MYO3A: variants seen among roughly 807,000 people sequenced by gnomAD.
The protein encoded by MYO3A is myosin IIIA.
Under a neutral mutation model 192.7 loss-of-function variants are expected in MYO3A, and 180 were observed. That is an observed-to-expected ratio of 0.93 (90% confidence interval 0.83 to 1.06). MYO3A has a LOEUF of 1.06. Ranked by LOEUF, MYO3A falls within the 50% of genes least tolerant of loss-of-function variation. The pLI is 0.00. For missense variants in MYO3A, 1,896 were observed against 1,905.0 expected (o/e 1.00, Z 0.09); for synonymous variants, 628 against 645.3 (o/e 0.97, Z 0.41).
chr10:26,092,650 A>G lies in MYO3A; in HGVS notation c.1563-3731A>G, dbSNP rs115022881. 7.7e-3 allele frequency among the ~76,000 whole-genome samples: 1,174 copies of G among 152,306 alleles called. 10 individuals carry two copies. The highest frequency in any genetic ancestry group is 0.026 in the African/African-American group (1,090 of 41,564). The stretch of plus-strand genomic sequence containing the variant: ...TTCAGGGTGCAAAGCAGGTGAACAC[A>G]CATATGAGACAGCCCTGAGGGCCTT... On this transcript the variant is annotated intron_variant, in intron 15 of 34. Transcript: ENST00000642920.
intron 31 of MYO3A, among the ~76,000 whole-genome samples, chr10:26,186,515 C>G (rs1478545995): frequency 6.6e-6 from 1 of 152,156 alleles, no homozygotes; most frequent in African/African-American, 2.4e-5. Context: ...ATCTGCCCAC[C>G]TCGGCCTCCC....
intron 20 of MYO3A, among the ~76,000 whole-genome samples, chr10:26,140,893 C>T (rs1486682007): frequency 6.6e-6 from 1 of 152,020 alleles, no homozygotes; most frequent in Non-Finnish European, 1.5e-5. Flanking sequence ...ACTCTGCTCA[C>T]CTTATGCTTT....
intron 14 of MYO3A, among the ~76,000 whole-genome samples, chr10:26,076,207 G>T (rs1380587623): frequency 6.6e-6 from 1 of 152,034 alleles, no homozygotes; most frequent in Non-Finnish European, 1.5e-5. Flanking sequence ...GAGTAAGGTG[G>T]TATCACATTG....
intron 17 of MYO3A, among the ~76,000 whole-genome samples, chr10:26,112,217 A>C (rs1038699372): frequency 2.6e-5 from 4 of 152,226 alleles, no homozygotes; most frequent in Admixed American, 2.0e-4. Context: ...CATATAGCTT[A>C]GGATAAAGGA....
At position 26,024,085 on chromosome 10, in the gene MYO3A, C is replaced by G; in HGVS notation, c.795C>G (p.Ser265Arg). 6.2e-7 allele frequency: 1 copy of G among 1,611,892 alleles called. No homozygotes were observed. Among genetic ancestry groups the G allele is most frequent in the African/African-American group, 1.3e-5 (1 of 74,998 alleles). ...CAGCAGAATTCAATGACTTCATAAG[C>G]AAGTGAGTAAAAACAGTCTTTTAAA... is the stretch of plus-strand genomic sequence containing the variant. ...LWSAEFNDFI[S>R]KCLTKDYEKR... Residue 265 changes from serine to arginine, a missense_variant and splice_region_variant, in exon 9 of 35, where the codon AGC (serine) becomes AGG (arginine). Ser to Arg is a moderately radical substitution (Grantham distance 110, BLOSUM62 -1). Coordinates refer to ENST00000642920, the MANE Select transcript of MYO3A (RefSeq NM_017433.5).
chr10:26,188,002 T>A (rs1381260282), intron 31 of MYO3A, among the ~76,000 whole-genome samples: 1 of 152,206 alleles, frequency 6.6e-6, no homozygotes, highest in South Asian at 2.1e-4. Flanking sequence ...TTTGAGTATA[T>A]ACCCAGTAAT....
chr10:26,068,170 AT>A (rs1834968111), intron 11 of MYO3A, among the ~76,000 whole-genome samples: 1 of 152,050 alleles, frequency 6.6e-6, no homozygotes, highest in Non-Finnish European at 1.5e-5. Flanking sequence ...TGTTGTCTAT[AT>A]TTTATTTTTA....
At chr10:26,090,093 G>C (rs2131521014) in intron 15 of MYO3A, among the ~76,000 whole-genome samples, 1 of 152,328 alleles carries the variant, frequency 6.6e-6, no homozygotes, top group East Asian at 1.9e-4. Flanking sequence ...TGGAAACTTA[G>C]CTAGTTCTCA....
intron 7 of MYO3A, among the ~76,000 whole-genome samples, chr10:26,017,798 A>C (rs1227508888): frequency 7.5e-6 from 1 of 133,902 alleles, no homozygotes; most frequent in Non-Finnish European, 1.7e-5. Flanking sequence ...CTTAGAGTAA[A>C]AATATAAAGT....
intron 3 of MYO3A, among the ~76,000 whole-genome samples, chr10:25,953,958 T>C (rs182035543): frequency 6.6e-6 from 1 of 152,294 alleles, no homozygotes; most frequent in East Asian, 1.9e-4. Flanking sequence ...GATTTGCTTA[T>C]TTTAAATTAA....
intron 4 of MYO3A, among the ~76,000 whole-genome samples, chr10:25,968,624 A>G (rs550855568): frequency 1.4e-4 from 22 of 152,228 alleles, no homozygotes; most frequent in Non-Finnish European, 2.5e-4. Context: ...AGAGGAGGAA[A>G]ATTGGAAGTA....
chr10:26,135,177 G>C (rs1312800344), intron 20 of MYO3A, among the ~76,000 whole-genome samples: 1 of 152,114 alleles, frequency 6.6e-6, no homozygotes, highest in South Asian at 2.1e-4. Context: ...AGCTATCCAT[G>C]GTTTTTCTCA....
At position 25,954,289 on chromosome 10, in the gene MYO3A, T is replaced by C. The variant is rs376132215; in HGVS notation, c.169-585T>C. On this transcript the variant is annotated intron_variant, in intron 3 of 34. Transcript: ENST00000642920. ...ATATGCGATTTTCTAGAAATATGTC[T>C]AAGTGGCTGTCTTTCATTCTGATTG... 8.5e-5 allele frequency among the ~76,000 whole-genome samples: 13 copies of C among 152,134 alleles called. 1 individual carries two copies. In the East Asian group the frequency reaches 1.9e-3, roughly 23 times the overall value.
chr10:25,980,970 C>T (rs1839296549), intron 4 of MYO3A, among the ~76,000 whole-genome samples: 1 of 152,012 alleles, frequency 6.6e-6, no homozygotes, highest in Non-Finnish European at 1.5e-5. Flanking sequence ...AGATTCACTG[C>T]CCTAAAAATT....
chr10:25,939,101 T>A (rs1836306314), intron 2 of MYO3A, among the ~76,000 whole-genome samples: 1 of 152,146 alleles, frequency 6.6e-6, no homozygotes, highest in Middle Eastern at 3.2e-3. Flanking sequence ...AGCTTTTTTC[T>A]TTCTATTTTT....
At chr10:26,191,384 C>T (rs1326976010) in intron 31 of MYO3A, among the ~76,000 whole-genome samples, 1 of 152,212 alleles carries the variant, frequency 6.6e-6, no homozygotes, top group Non-Finnish European at 1.5e-5. Flanking sequence ...CCCTCCACCT[C>T]CTCCATCTAT....
intron 2 of MYO3A, among the ~76,000 whole-genome samples, chr10:25,949,312 T>A (rs1159702655): frequency 6.6e-6 from 1 of 152,112 alleles, no homozygotes; most frequent in East Asian, 1.9e-4. Flanking sequence ...AGTTAATATA[T>A]CAGAAATGAA....
chr10:26,058,008 T>C (rs1454318755), intron 10 of MYO3A, among the ~76,000 whole-genome samples: 1 of 152,178 alleles, frequency 6.6e-6, no homozygotes, highest in Non-Finnish European at 1.5e-5. Flanking sequence ...GAGTCCACAG[T>C]TTACATTAAG....
intron 4 of MYO3A, among the ~76,000 whole-genome samples, chr10:25,977,845 C>T (rs1428599399): frequency 6.6e-6 from 1 of 152,094 alleles, no homozygotes; most frequent in East Asian, 1.9e-4. Context: ...CATCTCACTT[C>T]CACTTCCAGA....
Sources: allele counts gnomAD v4.1 joint callset (sites outside exome capture counted in the v4.1 genomes callset), GRCh38; gene constraint gnomAD v4.1.1; transcripts MANE v1.5; gene names NCBI Gene and HGNC (gene_info 2026-07-23, HGNC 2026-07-21).